The following DYM variants were observed in gnomAD, a reference collection of about 807,000 sequenced individuals.
The protein encoded by DYM is dymeclin, also known as dyggve-Melchior-Clausen syndrome protein.
A neutral mutation model predicts 93.1 loss-of-function variants in DYM; 78 were observed. The observed-to-expected ratio is 0.84, with a 90% confidence interval of 0.70 to 1.01. The LOEUF is 1.01. Among genes scored for constraint, DYM ranks in the 50% least tolerant of loss-of-function variants. The probability of loss-of-function intolerance (pLI) is 0.00; values close to 1 mark genes in which losing one functional copy is unlikely to be tolerated. For synonymous variants in DYM, 321 were observed against 319.7 expected (o/e 1.00, Z -0.04); for missense variants, 789 against 845.0 (o/e 0.93, Z 0.82).
In DYM at chr18:49,040,086, G is replaced by C. The variant is rs533119102; in HGVS notation, c.*3969C>G. On this transcript the variant is annotated 3_prime_UTR_variant, in exon 18 of 18. Coordinates refer to ENST00000675505, the MANE Select transcript of DYM (RefSeq NM_001353214.3). The stretch of plus-strand genomic sequence containing the variant: ...CACATTCAGGTACTGAGGTGGTTTA[G>C]AAGTTGAACTGCACTACCCATGAGG... The C allele has an allele frequency of 2.6e-5, 4 of 152,348 alleles. No homozygotes were observed. In the South Asian group the frequency reaches 8.3e-4, roughly 32 times the overall value. 9.4% of individuals were successfully genotyped at this position (152,348 alleles called of 1,614,324 possible). A position where few individuals can be genotyped will look rare whatever the true frequency, so the allele number is the denominator to read the frequency against.
chr18:49,050,436 T>C (rs1271489857), intron 17 of DYM, among the ~76,000 whole-genome samples: 1 of 152,112 alleles, frequency 6.6e-6, no homozygotes, highest in East Asian at 1.9e-4. Context: ...GCTTTTGCAA[T>C]CTAATGGGGT....
chr18:49,441,436 A>C (rs1047563059), intron 1 of DYM, among the ~76,000 whole-genome samples: 1 of 136,318 alleles, frequency 7.3e-6, no homozygotes, highest in Non-Finnish European at 1.5e-5. Flanking sequence ...GAGAAAGCTG[A>C]AACAGGAGAT....
chr18:49,385,427 G>A (rs2068506384), intron 3 of DYM, among the ~76,000 whole-genome samples: 1 of 152,210 alleles, frequency 6.6e-6, no homozygotes, highest in Non-Finnish European at 1.5e-5. Context: ...TGGGCACAGT[G>A]GCTCAAGCCT....
In DYM at chr18:49,257,120, G is replaced by A. The variant is rs770433144; in HGVS notation, c.1366-16C>T. On this transcript the variant is annotated splice_polypyrimidine_tract_variant and intron_variant, in intron 12 of 17. Transcript: ENST00000675505. ...GGTACTTGTCCTGTGAGGAAACAGC[G>A]GGTGTAAAACATACAATCAAGTCTT... 2.3e-5 allele frequency: 37 copies of A among 1,592,434 alleles called. No homozygotes were observed. Among genetic ancestry groups the A allele is most frequent in the South Asian group, 8.8e-5 (8 of 90,610 alleles).
chr18:49,367,310 C>T (rs1328491109), intron 5 of DYM, among the ~76,000 whole-genome samples: 3 of 152,230 alleles, frequency 2.0e-5, no homozygotes, highest in African/African-American at 7.2e-5. Flanking sequence ...TCTAAAGCCC[C>T]ACTGCTCTAG....
intron 13 of DYM, among the ~76,000 whole-genome samples, chr18:49,231,810 C>G (rs1412962822): frequency 1.3e-5 from 2 of 152,076 alleles, no homozygotes; most frequent in Non-Finnish European, 2.9e-5. Context: ...CCAGAGGAAT[C>G]TTAGTCAAAG....
chr18:49,215,688 AAAAC>A (rs1437837086), intron 13 of DYM, among the ~76,000 whole-genome samples: 3 of 152,268 alleles, frequency 2.0e-5, no homozygotes, highest in Non-Finnish European at 4.4e-5. Context: ...ACTAAAAAGA[AAAAC>A]AAATTCCCTC....
rs1363403988 is a variant in DYM, at chr18:49,431,129, G to A, written c.-53-682C>T. ...CTGGATGGCTTGAATGTACAAGGAA[G>A]GGAACATAGCTCAAGTAATTACCAT... On this transcript the variant is annotated intron_variant, in intron 1 of 17. Coordinates refer to ENST00000675505, the MANE Select transcript of DYM (RefSeq NM_001353214.3). Among the ~76,000 whole-genome samples the A allele has an allele frequency of 2.0e-5, 3 of 152,194 alleles. No individual in the cohort carries two copies. The East Asian group carries it at 5.8e-4, about 29-fold the overall frequency.
chr18:49,234,580 G>A (rs1038274699), intron 13 of DYM, among the ~76,000 whole-genome samples: 3 of 152,160 alleles, frequency 2.0e-5, no homozygotes, highest in African/African-American at 4.8e-5. Flanking sequence ...GGATGGTTAG[G>A]GGATGGTGCA....
intron 15 of DYM, among the ~76,000 whole-genome samples, chr18:49,130,615 T>C (rs2083296381): frequency 6.6e-6 from 1 of 152,266 alleles, no homozygotes; most frequent in Non-Finnish European, 1.5e-5. Context: ...TTTTCCCTAA[T>C]TCCTTTTCAA....
At chr18:49,088,234 T>A (rs1420135983) in intron 17 of DYM, among the ~76,000 whole-genome samples, 1 of 152,210 alleles carries the variant, frequency 6.6e-6, no homozygotes, top group Non-Finnish European at 1.5e-5. Context: ...CTTCTAGGGT[T>A]TTTATGGTTT....
At chr18:49,437,019 GA>G (rs33948111) in intron 1 of DYM, among the ~76,000 whole-genome samples, 3,634 of 152,204 alleles carry the variant, frequency 0.024, 135 homozygotes, top group African/African-American at 0.082. Context: ...GCAACAACGA[GA>G]AACAATACTA....
chr18:49,355,211 C>A (rs932000255), intron 6 of DYM, among the ~76,000 whole-genome samples: 2 of 151,516 alleles, frequency 1.3e-5, no homozygotes, highest in Admixed American at 1.3e-4. Context: ...ATACACTGAT[C>A]AATAAACTTA....
intron 10 of DYM, among the ~76,000 whole-genome samples, chr18:49,275,785 C>T (rs2145618054): frequency 6.6e-6 from 1 of 152,206 alleles, no homozygotes; most frequent in South Asian, 2.1e-4. Flanking sequence ...TTGTAGTTTT[C>T]ACAGTGTAAG....
chr18:49,367,364 A>C (rs1341234342), intron 5 of DYM, among the ~76,000 whole-genome samples: 2 of 152,194 alleles, frequency 1.3e-5, no homozygotes, highest in Admixed American at 1.3e-4. Flanking sequence ...AAGCGAGATG[A>C]TATCTAGGGT....
chr18:49,058,318 CTT>C (rs111921846), intron 17 of DYM, among the ~76,000 whole-genome samples: 7 of 143,722 alleles, frequency 4.9e-5, no homozygotes, highest in Admixed American at 7.0e-5. Context: ...TCTTTTTCTT[CTT>C]TTTTTTTTTT....
At chr18:49,282,249 G>A in intron 9 of DYM, 74 bp from the exon 10 acceptor site, 2 of 1,291,222 alleles carry the variant, frequency 1.5e-6, no homozygotes, top group Non-Finnish European at 1.1e-6. Flanking sequence ...TTAAAGTAAT[G>A]TGTACAACTC....
At chr18:49,297,019 A>G (rs182471261) in intron 8 of DYM, among the ~76,000 whole-genome samples, 32 of 152,300 alleles carry the variant, frequency 2.1e-4, no homozygotes, top group Admixed American at 9.8e-4. Flanking sequence ...CAAAGTACTT[A>G]CTGAAGGATG....
chr18:49,286,544 G>A lies in DYM; in HGVS notation c.836C>T (p.Pro279Leu), dbSNP rs2059677215. ...AAGCAGGAGACTCTGGTTGGCCAGA[G>A]GGGAAGAAAGCTCTGGAGAGGCAGC... Reference protein sequence around the residue: ...KAAASPELSSPLANQSLLLLL... With the variant: ...KAAASPELSSLLANQSLLLLL... The change falls in exon 9 of 18, where the codon CCT becomes CTT. Residue 279 changes from proline (P) to leucine (L), a missense_variant. Transcript: ENST00000675505. 6.2e-7 allele frequency: 1 copy of A among 1,614,186 alleles called. No homozygotes were observed. The highest frequency in any genetic ancestry group is 8.5e-7 in the Non-Finnish European group (1 of 1,180,004).
Sources: gnomAD v4.1 joint callset for allele counts (sites outside exome capture counted in the v4.1 genomes callset) on GRCh38, gnomAD v4.1.1 for gene constraint, MANE v1.5 for transcripts, NCBI Gene and HGNC (gene_info 2026-07-23, HGNC 2026-07-21) for gene names.